Variants in FGGY observed in about 807,000 individuals in gnomAD.
The protein encoded by FGGY is FGGY carbohydrate kinase domain-containing protein.
FGGY carries 72 observed loss-of-function variants against 71.3 expected under a neutral mutation model. The observed-to-expected ratio is 1.01, with a 90% confidence interval of 0.84 to 1.23. The LOEUF is 1.23. Among genes scored for constraint, FGGY ranks in the 50% most tolerant of loss-of-function variants. FGGY has a pLI of 0.00. For synonymous variants in FGGY, 251 were observed against 250.3 expected, an observed-to-expected ratio of 1.00 and a Z score of -0.02; for missense variants, 668 against 682.3, an observed-to-expected ratio of 0.98 and a Z score of 0.23.
intron 1 of FGGY, among the ~76,000 whole-genome samples, chr1:59,318,940 A>G (rs914312776): frequency 1.3e-5 from 2 of 152,178 alleles, no homozygotes; most frequent in Admixed American, 1.3e-4. Context: ...TGGTAGAGGG[A>G]AGGTAGAGTG....
chr1:59,300,623 T>G (rs1273982852), intron 1 of FGGY, among the ~76,000 whole-genome samples: 1 of 152,198 alleles, frequency 6.6e-6, no homozygotes, highest in Non-Finnish European at 1.5e-5. Flanking sequence ...TCATTTTTGG[T>G]TTTATATTAA....
intron 4 of FGGY, among the ~76,000 whole-genome samples, chr1:59,364,815 A>G (rs1478430707): frequency 2.0e-5 from 3 of 152,250 alleles, no homozygotes; most frequent in African/African-American, 7.2e-5. Context: ...ATAGACATAT[A>G]CATGCTATTG....
chr1:59,620,340 CTCTTTTCTTT>C lies in FGGY; in HGVS notation c.1012-5637_1012-5628del, dbSNP rs199767091. On this transcript the variant is annotated intron_variant, in intron 9 of 15. Coordinates refer to ENST00000303721, the MANE Select transcript of FGGY (RefSeq NM_018291.5). Reference sequence around the variant, plus strand: ...TGCCAATCCATCTCTCTTTTTTCTTCTCTTTTCTTTTCTTTTCTTTCTTCCACTCCTAGCA... The same window carrying C: ...TGCCAATCCATCTCTCTTTTTTCTTCTCTTTTCTTTCTTCCACTCCTAGCA... Among the ~76,000 whole-genome samples the C allele has an allele frequency of 2.6e-5, 4 of 151,806 alleles. No homozygotes were observed. In the East Asian group the frequency reaches 5.8e-4, roughly 22 times the overall value.
chr1:59,317,673 G>A (rs912070983), intron 1 of FGGY, among the ~76,000 whole-genome samples: 16 of 152,162 alleles, frequency 1.1e-4, no homozygotes, highest in African/African-American at 3.6e-4. Context: ...TTTCAGGGAA[G>A]CTGCCCAAGG....
intron 5 of FGGY, among the ~76,000 whole-genome samples, chr1:59,409,222 G>GA (rs1403206205): frequency 3.3e-5 from 5 of 152,126 alleles, no homozygotes; most frequent in East Asian, 1.9e-4. Flanking sequence ...GCAGAATTCA[G>GA]AAAAAAATTG....
chr1:59,711,709 A>C (rs893593805), intron 14 of FGGY, among the ~76,000 whole-genome samples: 1 of 152,210 alleles, frequency 6.6e-6, no homozygotes, highest in Non-Finnish European at 1.5e-5. Context: ...GCTTGTGCAG[A>C]GAAACTCCCA....
At chr1:59,458,610 T>C (rs2091925527) in intron 6 of FGGY, among the ~76,000 whole-genome samples, 1 of 152,214 alleles carries the variant, frequency 6.6e-6, no homozygotes, top group Non-Finnish European at 1.5e-5. Flanking sequence ...GAAATATTCA[T>C]TAGAAGTCCA....
At chr1:59,638,989 A>G (rs554789015) in intron 11 of FGGY, among the ~76,000 whole-genome samples, 6 of 152,190 alleles carry the variant, frequency 3.9e-5, no homozygotes, top group Admixed American at 1.3e-4. Flanking sequence ...GTTGAGATAT[A>G]AAAGTAATAA....
rs1254220963 is a variant in FGGY, at chr1:59,557,694, G to C, written c.903+3467G>C. On this transcript the variant is annotated intron_variant, in intron 8 of 15. Coordinates refer to ENST00000303721, the MANE Select transcript of FGGY (RefSeq NM_018291.5). ...TTACTACCAAGTCACCAAAACCCCA[G>C]ATAATACACAGCAGGGGTTAGCCAG... is the stretch of plus-strand genomic sequence containing the variant. 5.3e-5 allele frequency among the ~76,000 whole-genome samples: 8 copies of C among 152,314 alleles called. 1 individual carries two copies. In the South Asian group the frequency reaches 1.7e-3, roughly 32 times the overall value.
chr1:59,457,203 T>C, intron 6 of FGGY, 127 bp downstream of exon 6: 4 of 683,376 alleles, frequency 5.9e-6, no homozygotes, highest in Non-Finnish European at 1.0e-5. Flanking sequence ...GTTCACTTTT[T>C]CCAAGACAAA....
At chr1:59,732,096 G>T (rs1043878690) in intron 14 of FGGY, among the ~76,000 whole-genome samples, 1 of 152,128 alleles carries the variant, frequency 6.6e-6, no homozygotes. Flanking sequence ...CTGAGTTGCC[G>T]CACACAAAGC....
chr1:59,565,848 C>G (rs1198857594), intron 8 of FGGY, among the ~76,000 whole-genome samples: 1 of 152,164 alleles, frequency 6.6e-6, no homozygotes, highest in East Asian at 1.9e-4. Flanking sequence ...TTTCAAGAAG[C>G]CACCAGCCTA....
Position 59,489,878 on chromosome 1 carries a change from A to AT in FGGY, c.671-22427dup, listed in dbSNP as rs753660524. On this transcript the variant is annotated intron_variant, in intron 6 of 15. Transcript: ENST00000303721. Reference sequence around the variant, plus strand: ...TCTCTGCATCTTCACCAGCATGTTAATTTTTTGTCTTATTTTGATAATCAC... The same window carrying AT: ...TCTCTGCATCTTCACCAGCATGTTAATTTTTTTGTCTTATTTTGATAATCAC... 4.6e-5 allele frequency among the ~76,000 whole-genome samples: 7 copies of AT among 152,134 alleles called. 1 individual carries two copies. Among genetic ancestry groups the AT allele is most frequent in the East Asian group, 1.9e-4 (1 of 5,170 alleles).
intron 4 of FGGY, among the ~76,000 whole-genome samples, chr1:59,369,028 G>T (rs1046076695): frequency 2.6e-5 from 4 of 152,288 alleles, no homozygotes; most frequent in Non-Finnish European, 4.4e-5. Context: ...GAGGTACTAG[G>T]TTCATCTCAC....
At chr1:59,552,689 G>A (rs1323560889) in intron 7 of FGGY, among the ~76,000 whole-genome samples, 1 of 152,122 alleles carries the variant, frequency 6.6e-6, no homozygotes, top group African/African-American at 2.4e-5. Context: ...CTATAGGTGG[G>A]TTAGCTGCCT....
At chr1:59,644,327 A>G (rs2097067692) in intron 11 of FGGY, among the ~76,000 whole-genome samples, 1 of 152,064 alleles carries the variant, frequency 6.6e-6, no homozygotes, top group African/African-American at 2.4e-5. Context: ...GTAACAGTTG[A>G]CTCCTATCAT....
intron 8 of FGGY, among the ~76,000 whole-genome samples, chr1:59,587,705 A>G (rs1252507144): frequency 6.6e-6 from 1 of 152,244 alleles, no homozygotes. Context: ...GTGGACCTCT[A>G]GCAAACTCCA....
At position 59,397,332 on chromosome 1, in the gene FGGY, G is replaced by A. The variant is rs1468422007; in HGVS notation, c.554+18495G>A. Among the ~76,000 whole-genome samples the A allele has an allele frequency of 2.0e-5, 3 of 152,260 alleles. No homozygotes were observed. In the East Asian group the frequency reaches 5.8e-4, roughly 29 times the overall value. ...ACGTGGCGTTGTGTTTCTGATTTAC[G>A]AGGTGGAATATTAGTCTGATTTACT... On this transcript the variant is annotated intron_variant, in intron 5 of 15. Transcript: ENST00000303721.
At chr1:59,467,497 TA>T (rs5774464) in intron 6 of FGGY, among the ~76,000 whole-genome samples, 51 of 149,064 alleles carry the variant, frequency 3.4e-4, no homozygotes, top group African/African-American at 9.1e-4. Context: ...TAAAGTATAA[TA>T]AAAAAAAAAC....
Sources: gnomAD v4.1 joint callset for allele counts (sites outside exome capture counted in the v4.1 genomes callset) on GRCh38, gnomAD v4.1.1 for gene constraint, MANE v1.5 for transcripts, NCBI Gene and HGNC (gene_info 2026-07-23, HGNC 2026-07-21) for gene names.